TUT7: variants seen among roughly 807,000 people sequenced by gnomAD.
TUT7 encodes terminal uridylyl transferase 7.
In TUT7, 33 loss-of-function variants were observed where a neutral mutation model predicts 165.9. The observed-to-expected ratio is 0.20, with a 90% CI of 0.15 to 0.27. The LOEUF (loss-of-function observed/expected upper bound fraction) is 0.27. TUT7 is among the 10% of genes least tolerant of loss of function. The pLI is 1.00. For synonymous variants in TUT7, 552 were observed against 608.1 expected (o/e 0.91, Z 1.36); for missense variants, 1,338 against 1,762.3 (o/e 0.76, Z 4.31).
At chr9:86,304,613 CAA>C (rs796680713) in intron 24 of TUT7, among the ~76,000 whole-genome samples, 5 of 152,082 alleles carry the variant, frequency 3.3e-5, no homozygotes, top group African/African-American at 1.2e-4. Context: ...AAAAAGGCAT[CAA>C]AGAGGAAAAC....
intron 13 of TUT7, 39 bp from the exon 14 acceptor site, chr9:86,322,514 T>A: frequency 6.3e-7 from 1 of 1,576,414 alleles, no homozygotes; most frequent in South Asian, 1.2e-5. Context: ...ACTTAACACT[T>A]TATTTGCCAA....
chr9:86,345,899 G>A, intron 3 of TUT7, 114 bp from the exon 4 acceptor site: 2 of 776,632 alleles, frequency 2.6e-6, no homozygotes, highest in Middle Eastern at 2.6e-4. Context: ...TAAAGAGACA[G>A]GAGTCTCACT....
chr9:86,321,610 T>A lies in TUT7; in HGVS notation c.3028+715A>T, dbSNP rs566657738. On this transcript the variant is annotated intron_variant, in intron 14 of 26. Coordinates refer to ENST00000375963, the MANE Select transcript of TUT7 (RefSeq NM_024617.4). ...TGGGTGTGGTGATGCATGCCTGTAA[T>A]ACCAGCTACTTGGGTGGTTGAGGCA... Among the ~76,000 whole-genome samples, 3 of 152,188 alleles carry A rather than the reference T, an allele frequency of 2.0e-5. No individual in the cohort carries two copies. The South Asian group carries it at 6.2e-4, about 32-fold the overall frequency.
At chr9:86,320,288 C>T (rs1316784641) in intron 14 of TUT7, among the ~76,000 whole-genome samples, 1 of 130,970 alleles carries the variant, frequency 7.6e-6, no homozygotes, top group East Asian at 2.2e-4. Context: ...TTGTTAAGAA[C>T]ACGTGTCTTC....
intron 10 of TUT7, 131 bp downstream of exon 10, chr9:86,337,288 T>C: frequency 9.7e-7 from 1 of 1,027,198 alleles, no homozygotes; most frequent in East Asian, 2.5e-5. Flanking sequence ...GGTATGAATA[T>C]TCACATGAGT....
intron 20 of TUT7, 73 bp downstream of exon 20, chr9:86,309,390 A>G (rs1827813787): frequency 4.1e-6 from 6 of 1,475,102 alleles, no homozygotes. Context: ...AGAACCACAG[A>G]ATTTTAGAGG....
Position 86,301,359 on chromosome 9 carries a change from T to C in TUT7, c.4337A>G (p.Lys1446Arg), listed in dbSNP as rs61749485. ...PVEKWKRQDDKDLREKRCFIC... is the reference protein window; with the variant it reads ...PVEKWKRQDDRDLREKRCFIC... ...AAAACAACGTTTTTCTCTTAAGTCT[T>C]TGTCATCCTGTCTCTTCCATTTTTC... Residue 1446 changes from lysine (K) to arginine (R), a missense_variant, in exon 26 of 27, where the codon AAA becomes AGA. Coordinates refer to ENST00000375963, the MANE Select transcript of TUT7 (RefSeq NM_024617.4). 2,021 of 1,614,170 alleles carry C rather than the reference T, an allele frequency of 1.3e-3. 15 individuals are homozygous for C. In the African/African-American group the frequency reaches 0.021, roughly 16 times the overall value.
intron 10 of TUT7, chr9:86,336,820 GAACAA>G (rs1370949152): frequency 6.6e-5 from 10 of 152,168 alleles, no homozygotes; most frequent in African/African-American, 2.4e-4. Context: ...AATCTTACTT[GAACAA>G]ATCAACTCAA....
At chr9:86,289,542 A>G (rs1233764339) in intron 26 of TUT7, among the ~76,000 whole-genome samples, 1 of 137,738 alleles carries the variant, frequency 7.3e-6, no homozygotes, top group African/African-American at 3.0e-5. Context: ...TAACTATAAG[A>G]AAGTCAGAGC....
intron 16 of TUT7, among the ~76,000 whole-genome samples, chr9:86,317,937 A>G (rs1003053497): frequency 5.3e-5 from 8 of 152,200 alleles, no homozygotes; most frequent in Admixed American, 5.2e-4. Flanking sequence ...AAAAATAAAT[A>G]AATAAATAAA....
chr9:86,288,524 A>G lies in TUT7; in HGVS notation c.*153T>C. The G allele has an allele frequency of 1.9e-6, 1 of 523,350 alleles. No individual in the cohort carries two copies. The highest frequency in any genetic ancestry group is 3.3e-6 in the Non-Finnish European group (1 of 303,490). The allele number at this position is 523,350 out of a possible 1,614,324, so 32.4% of individuals were successfully genotyped here. On this transcript the variant is annotated 3_prime_UTR_variant, in exon 27 of 27. Transcript: ENST00000375963. ...ACTATATTAAAAATTTTTCCTCATTAACAATTTCATTAAATTAAAAAAAAA... is the reference window on the plus strand; with the variant it reads ...ACTATATTAAAAATTTTTCCTCATTGACAATTTCATTAAATTAAAAAAAAA...
chr9:86,311,571 C>T lies in TUT7; in HGVS notation c.3275-762G>A, dbSNP rs1047779544. Among the ~76,000 whole-genome samples, 14 of 135,556 alleles carry T rather than the reference C, an allele frequency of 1.0e-4. No individual in the cohort carries two copies. The East Asian group carries it at 2.1e-3, about 20-fold the overall frequency. 88.9% of individuals were successfully genotyped at this position (135,556 alleles called of 152,430 possible). On this transcript the variant is annotated intron_variant, in intron 17 of 26. Transcript: ENST00000375963. This position sits in a 1 kb window ranked among gnomAD's most constrained non-coding sequence, Gnocchi z 4.4. ...GCTAAGAATTATCCTTAGTCCTCTC[C>T]CTCTCCCTCTCCCCTCTTCCCTCTC...
At chr9:86,317,979 T>C (rs1003943213) in intron 16 of TUT7, among the ~76,000 whole-genome samples, 5 of 152,184 alleles carry the variant, frequency 3.3e-5, no homozygotes, top group Non-Finnish European at 5.9e-5. Context: ...TCATTCCATA[T>C]GTTGAGCCAA....
chr9:86,343,115 T>C lies in TUT7; in HGVS notation c.1046A>G (p.Lys349Arg), dbSNP rs748513865. ...YGSSCSRLGF[K>R]NSDVNIDIQF... ...GATGTCAATGTTTACATCCGAATTT[T>C]TGAAACCCAATCTGCTACAGGATGA... Residue 349 changes from lysine (K) to arginine (R), a missense_variant, in exon 6 of 27, where the codon AAA becomes AGA. Lys to Arg is a conservative substitution (Grantham distance 26). Coordinates refer to ENST00000375963, the MANE Select transcript of TUT7 (RefSeq NM_024617.4). 8.7e-6 allele frequency: 14 copies of C among 1,604,126 alleles called. No individual in the cohort carries two copies. Among genetic ancestry groups the C allele is most frequent in the South Asian group, 6.7e-5 (6 of 88,938 alleles).
chr9:86,316,551 C>A (rs1828736842), intron 17 of TUT7, among the ~76,000 whole-genome samples: 1 of 152,216 alleles, frequency 6.6e-6, no homozygotes, highest in South Asian at 2.1e-4. Flanking sequence ...TGACACTTCA[C>A]ACAATTAGCA....
intron 1 of TUT7, 86 bp from the exon 2 acceptor site, chr9:86,353,316 C>T: frequency 1.8e-6 from 2 of 1,092,704 alleles, no homozygotes; most frequent in Non-Finnish European, 2.5e-6. Context: ...CGTACAGATG[C>T]CCCAAAGCCT....
rs763959648 is a variant in TUT7 at position 86,340,093 on chromosome 9, T to A, written c.1151A>T (p.Asp384Val). ...ECLKNSDSFI[D>V]VDADFHARVP... Reference sequence around the variant, plus strand: ...CCTAGCATGGAAGTCTGCATCAACATCAATAAAGGAGTCTGAGGAAAGAAG... The same window carrying A: ...CCTAGCATGGAAGTCTGCATCAACAACAATAAAGGAGTCTGAGGAAAGAAG... The change falls in exon 8 of 27, where the codon GAT becomes GTT. Residue 384 changes from aspartate (D) to valine (V), a missense_variant. Physicochemically the swap from Asp to Val is radical, Grantham distance 152. Transcript: ENST00000375963. 6.2e-7 allele frequency: 1 copy of A among 1,613,638 alleles called. No individual in the cohort carries two copies.
Position 86,338,806 on chromosome 9 carries a change from A to C in TUT7, c.1335+17T>G. On this transcript the variant is annotated intron_variant, in intron 9 of 26. Transcript: ENST00000375963. ...ACATATGTAGAATGTATTCATGCAT[A>C]AAGACCTCAAGCCTACCTTTGCCCA... 10 of 1,586,260 alleles carry C rather than the reference A, an allele frequency of 6.3e-6. No homozygotes were observed. Among genetic ancestry groups the C allele is most frequent in the African/African-American group, 1.4e-5 (1 of 73,848 alleles).
chr9:86,353,238 A>G lies in TUT7; in HGVS notation c.-31-8T>C. ...AATTTTCTTACTTTGCACCTGAAAG[A>G]AGGTATTTTGGGGAAATATCAAACT... On this transcript the variant is annotated splice_region_variant and splice_polypyrimidine_tract_variant and intron_variant, in intron 1 of 26. Coordinates refer to ENST00000375963, the MANE Select transcript of TUT7 (RefSeq NM_024617.4). The G allele has an allele frequency of 6.6e-7, 1 of 1,524,248 alleles. No homozygotes were observed. 94.4% of individuals were successfully genotyped at this position (1,524,248 alleles called of 1,614,324 possible).
Sources: allele counts gnomAD v4.1 joint callset (sites outside exome capture counted in the v4.1 genomes callset), GRCh38; gene constraint gnomAD v4.1.1; non-coding constraint Gnocchi (gnomAD v3.1); transcripts MANE v1.5; gene names NCBI Gene and HGNC (gene_info 2026-07-23, HGNC 2026-07-21).